The following SORCS1 variants were observed in gnomAD, a reference collection of about 807,000 sequenced individuals.
SORCS1 encodes the protein sortilin related VPS10 domain containing receptor 1, also known as VPS10 domain-containing receptor SorCS1.
SORCS1 carries 60 observed loss-of-function variants against 146.1 expected under a neutral mutation model. That is an observed-to-expected ratio of 0.41 (90% CI 0.33 to 0.51). The LOEUF is 0.51. SORCS1 is among the 20% of genes least tolerant of loss of function. The pLI, the probability that SORCS1 is intolerant of heterozygous loss-of-function variation, is 0.21. For synonymous variants in SORCS1, 637 were observed against 584.0 expected (o/e 1.09, Z -1.31); for missense variants, 1,352 against 1,487.6 (o/e 0.91, Z 1.50).
chr10:106,995,231 G>A (rs1012336077), intron 1 of SORCS1, among the ~76,000 whole-genome samples: 5 of 151,334 alleles, frequency 3.3e-5, no homozygotes, highest in Admixed American at 1.3e-4. Context: ...GGAGAATGGC[G>A]TGAACCTGGG....
At chr10:107,054,661 T>C (rs1416923807) in intron 1 of SORCS1, among the ~76,000 whole-genome samples, 1 of 152,094 alleles carries the variant, frequency 6.6e-6, no homozygotes, top group Non-Finnish European at 1.5e-5. Flanking sequence ...GAAAAATGGG[T>C]CATCTAAATG....
intron 1 of SORCS1, among the ~76,000 whole-genome samples, chr10:106,976,333 G>GTTTTTTTTTTT (rs1554901318): frequency 3.5e-5 from 4 of 113,804 alleles, no homozygotes; most frequent in African/African-American, 1.2e-4. Flanking sequence ...AGGTTTTTTT[G>GTTTTTTTTTTT]TTTTTTTTTT....
At chr10:106,991,971 A>T (rs1288803727) in intron 1 of SORCS1, among the ~76,000 whole-genome samples, 2 of 152,238 alleles carry the variant, frequency 1.3e-5, no homozygotes, top group Non-Finnish European at 2.9e-5. Flanking sequence ...CACCAGTGAC[A>T]GATCTGAAAA....
At chr10:106,849,563 T>C (rs1949456342) in intron 2 of SORCS1, among the ~76,000 whole-genome samples, 1 of 151,252 alleles carries the variant, frequency 6.6e-6, no homozygotes, top group Non-Finnish European at 1.5e-5. Flanking sequence ...AATTTGATCG[T>C]CTGAAGCCTT....
chr10:106,851,339 G>A (rs940658634), intron 2 of SORCS1, among the ~76,000 whole-genome samples: 1 of 152,074 alleles, frequency 6.6e-6, no homozygotes, highest in Non-Finnish European at 1.5e-5. Context: ...TTACATTTAG[G>A]TCTATGATAC....
At chr10:106,674,895 C>G in intron 14 of SORCS1, among the ~76,000 whole-genome samples, 154 bp downstream of exon 14, 1 of 152,144 alleles carries the variant, frequency 6.6e-6, no homozygotes, top group Non-Finnish European at 1.5e-5. Flanking sequence ...AAATAGCTGC[C>G]CACATTTTTC....
intron 9 of SORCS1, among the ~76,000 whole-genome samples, chr10:106,695,537 A>C (rs990377504): frequency 1.3e-5 from 2 of 152,180 alleles, no homozygotes; most frequent in Non-Finnish European, 2.9e-5. Context: ...GCGGTCTTGC[A>C]AAAGTTGCTG....
At chr10:106,945,922 A>C (rs1954316603) in intron 2 of SORCS1, among the ~76,000 whole-genome samples, 1 of 152,230 alleles carries the variant, frequency 6.6e-6, no homozygotes, top group Non-Finnish European at 1.5e-5. Flanking sequence ...ACGAGCTTTC[A>C]CATGGTGAGT....
In SORCS1 at chr10:107,164,004, G is replaced by T; in HGVS notation, c.523C>A (p.Gln175Lys). ...FALTGDSAHN[Q>K]AMVHWSGHNS... ...TGGCCAGACCAGTGGACCATGGCTTGGTTGTGTGCTGAGTCTCCCGTCAGC... is the reference window on the plus strand; with the variant it reads ...TGGCCAGACCAGTGGACCATGGCTTTGTTGTGTGCTGAGTCTCCCGTCAGC... Residue 175 changes from glutamine to lysine, a missense_variant, in exon 1 of 26, where the codon CAA becomes AAA. Coordinates refer to ENST00000263054, the MANE Select transcript of SORCS1 (RefSeq NM_052918.5). The surrounding 1 kb of genome is among the most constrained non-coding windows in gnomAD (Gnocchi z 6.8). The T allele has an allele frequency of 6.2e-7, 1 of 1,614,028 alleles. No homozygotes were observed.
intron 1 of SORCS1, among the ~76,000 whole-genome samples, chr10:107,034,874 TA>T (rs1233243971): frequency 1.3e-5 from 2 of 151,822 alleles, no homozygotes; most frequent in Non-Finnish European, 2.9e-5. Flanking sequence ...TTTATTTTCG[TA>T]ATCAAATATA....
intron 1 of SORCS1, among the ~76,000 whole-genome samples, chr10:107,117,441 A>G (rs1215177321): frequency 6.6e-6 from 1 of 152,192 alleles, no homozygotes; most frequent in Non-Finnish European, 1.5e-5. Context: ...AACAGGCCAG[A>G]AAGCCTCTTC....
At chr10:106,943,055 G>C (rs145062838) in intron 2 of SORCS1, among the ~76,000 whole-genome samples, 14 of 152,120 alleles carry the variant, frequency 9.2e-5, no homozygotes, top group Non-Finnish European at 1.6e-4. Flanking sequence ...AGTCAGAGGT[G>C]CTCAGTGGGC....
intron 1 of SORCS1, among the ~76,000 whole-genome samples, chr10:106,989,690 T>TTTTTTTTTTTTTTTTTTTTTTG (rs1956680929): frequency 7.1e-6 from 1 of 140,260 alleles, no homozygotes; most frequent in African/African-American, 2.8e-5. Context: ...GTTTTTTTTT[T>TTTTTTTTTTTTTTTTTTTTTTG]TTTTTTTTTT....
chr10:106,721,742 T>C (rs528072463), intron 6 of SORCS1, among the ~76,000 whole-genome samples: 2 of 152,338 alleles, frequency 1.3e-5, no homozygotes, highest in South Asian at 4.1e-4. Context: ...CCTTCATAAA[T>C]TCTCTTTCCG....
At chr10:107,015,594 T>C (rs1353084910) in intron 1 of SORCS1, among the ~76,000 whole-genome samples, 4 of 152,172 alleles carry the variant, frequency 2.6e-5, no homozygotes, top group African/African-American at 7.2e-5. Flanking sequence ...ACAATATCCA[T>C]AGTCACAAAT....
intron 1 of SORCS1, among the ~76,000 whole-genome samples, chr10:106,984,656 G>A (rs1455340031): frequency 6.6e-6 from 1 of 151,750 alleles, no homozygotes; most frequent in African/African-American, 2.4e-5. Context: ...GTCTCCCAAA[G>A]GGCTGGGATT....
chr10:106,807,484 T>A (rs941942397), intron 3 of SORCS1, among the ~76,000 whole-genome samples: 3 of 152,192 alleles, frequency 2.0e-5, no homozygotes, highest in African/African-American at 7.2e-5. Context: ...TGTTTGTAGA[T>A]CCATGCAAGA....
chr10:107,043,200 G>A (rs1020985388), intron 1 of SORCS1, among the ~76,000 whole-genome samples: 7 of 152,142 alleles, frequency 4.6e-5, no homozygotes, highest in Non-Finnish European at 1.0e-4. Flanking sequence ...TGGATCCTCA[G>A]TCATTAAGAT....
chr10:107,176,351 T>G, the SORCS1 span, among the ~76,000 whole-genome samples: 1 of 151,646 alleles, frequency 6.6e-6, no homozygotes, highest in Non-Finnish European at 1.5e-5. Context: ...CTTTTTTTTT[T>G]GAAACGGGCT....
Sources: gnomAD v4.1 joint callset for allele counts (sites outside exome capture counted in the v4.1 genomes callset) on GRCh38, gnomAD v4.1.1 for gene constraint, Gnocchi (gnomAD v3.1) non-coding constraint, MANE v1.5 for transcripts, NCBI Gene and HGNC (gene_info 2026-07-23, HGNC 2026-07-21) for gene names.